The following CEP350 variants were observed in gnomAD, a reference collection of about 807,000 sequenced individuals.
CEP350 encodes the protein centrosome-associated protein 350.
CEP350 carries 126 observed loss-of-function variants against 331.8 expected under a neutral mutation model. That is an observed-to-expected ratio of 0.38 (90% CI 0.33 to 0.44). The LOEUF (loss-of-function observed/expected upper bound fraction) is 0.44, where lower values mean the gene tolerates loss of function less well. Among genes scored for constraint, CEP350 ranks in the 20% least tolerant of loss-of-function variants. The pLI is 1.00. For synonymous variants in CEP350, 1,200 were observed against 1,259.5 expected, an observed-to-expected ratio of 0.95 and a Z score of 1.00; for missense variants, 3,406 against 3,634.6, an observed-to-expected ratio of 0.94 and a Z score of 1.62.
Position 180,093,754 on chromosome 1 carries a change from G to A in CEP350, c.7649G>A (p.Cys2550Tyr), listed in dbSNP as rs1159430617. The A allele has an allele frequency of 6.2e-7, 1 of 1,613,768 alleles. No individual in the cohort carries two copies. The highest frequency in any genetic ancestry group is 1.3e-5 in the African/African-American group (1 of 74,910). Residue 2550 changes from cysteine (C) to tyrosine (Y), a missense_variant, in exon 34 of 38, where the codon TGC becomes TAC. Coordinates refer to ENST00000367607, the MANE Select transcript of CEP350 (RefSeq NM_014810.5). ...GTYDGIAYFE[C>Y]KEKHGIFAPP... is the part of the protein sequence containing the mutation. ...TATGATGGTATTGCATATTTTGAGT[G>A]CAAAGAAAAGCATGGTATTTTTGCT... is the stretch of plus-strand genomic sequence containing the variant.
chr1:180,008,638 T>C (rs1654414691), intron 8 of CEP350, among the ~76,000 whole-genome samples: 1 of 152,188 alleles, frequency 6.6e-6, no homozygotes, highest in Non-Finnish European at 1.5e-5. Context: ...TTTTGAACAT[T>C]TGCTGTATGT....
intron 27 of CEP350, chr1:180,073,969 TTTTG>T: frequency 7.9e-7 from 1 of 1,272,746 alleles, no homozygotes; most frequent in South Asian, 1.3e-5. Flanking sequence ...TTTTTGTTTG[TTTTG>T]TTTGCTTTTC....
intron 24 of CEP350, 53 bp downstream of exon 24, chr1:180,053,987 CT>C (rs1657662078): frequency 1.5e-6 from 2 of 1,337,974 alleles, no homozygotes; most frequent in African/African-American, 1.5e-5. Flanking sequence ...AAATGGAATG[CT>C]TTATATTTTA....
At chr1:180,035,569 G>A (rs1656294322) in intron 16 of CEP350, among the ~76,000 whole-genome samples, 1 of 152,172 alleles carries the variant, frequency 6.6e-6, no homozygotes, top group African/African-American at 2.4e-5. Context: ...TACTCTGCCT[G>A]TGCTGTATTA....
At chr1:180,011,800 C>G (rs1654677359) in intron 8 of CEP350, 129 bp from the exon 9 acceptor site, 3 of 616,098 alleles carry the variant, frequency 4.9e-6, no homozygotes, top group Non-Finnish European at 8.2e-6. Context: ...TTAAAAATAT[C>G]ATTATATTGT....
intron 28 of CEP350, among the ~76,000 whole-genome samples, chr1:180,077,671 TAAA>T (rs3067269): frequency 2.8e-4 from 27 of 97,236 alleles, no homozygotes; most frequent in South Asian, 2.7e-3. Context: ...TCTCAAAAAG[TAAA>T]AAAAAAAAAA....
intron 19 of CEP350, among the ~76,000 whole-genome samples, chr1:180,042,132 T>TCACACACA (rs59048123): frequency 0.021 from 3,014 of 146,824 alleles, 33 homozygotes; most frequent in East Asian, 0.04. Flanking sequence ...GAGTTTTCTC[T>TCACACACA]CACACACACA....
intron 27 of CEP350, among the ~76,000 whole-genome samples, chr1:180,065,605 G>A (rs1433243850): frequency 3.3e-5 from 5 of 151,726 alleles, no homozygotes; most frequent in African/African-American, 1.2e-4. Context: ...AACGTAGTGA[G>A]ACCCCGTCTT....
rs1381946679 is a variant in CEP350 at position 180,053,782 on chromosome 1, T to C, written c.5022T>C (p.Asp1674=). 1 of 1,604,430 alleles carries C rather than the reference T, an allele frequency of 6.2e-7. No homozygotes were observed. The change falls in exon 24 of 38, where the codon GAT becomes GAC. Residue 1674 remains aspartate (D), a synonymous_variant. Transcript: ENST00000367607. ...ELNMPFSGGQ[D]SFSKFTMEMV... is the part of the protein sequence containing the mutation. The stretch of plus-strand genomic sequence containing the variant: ...ACATGCCATTCTCAGGAGGACAAGA[T>C]AGCTTTTCTAAATTTACTATGGAGA...
At position 179,976,058 on chromosome 1, in the gene CEP350, T is replaced by G. The variant is rs566075056; in HGVS notation, c.-13-10111T>G. On this transcript the variant is annotated intron_variant, in intron 1 of 37. Transcript: ENST00000367607. ...ACGAATCCCAAGAGTAGTGAGAGTTTTAAGGTGAAAGTTTAAGATCCCAAA... is the reference window on the plus strand; with the variant it reads ...ACGAATCCCAAGAGTAGTGAGAGTTGTAAGGTGAAAGTTTAAGATCCCAAA... Among the ~76,000 whole-genome samples the G allele has an allele frequency of 2.6e-4, 40 of 152,252 alleles. No homozygotes were observed. The South Asian group carries it at 7.7e-3, about 29-fold the overall frequency.
chr1:180,035,157 C>A (rs932051685), intron 16 of CEP350, among the ~76,000 whole-genome samples: 12 of 152,154 alleles, frequency 7.9e-5, no homozygotes, highest in Non-Finnish European at 1.6e-4. Flanking sequence ...TAGAGCAAGA[C>A]CCTAATACTC....
intron 14 of CEP350, among the ~76,000 whole-genome samples, chr1:180,029,153 GA>G (rs988131454): frequency 6.6e-6 from 1 of 152,056 alleles, no homozygotes; most frequent in Admixed American, 6.6e-5. Flanking sequence ...AATCCTAGGG[GA>G]AAAAAATTTG....
intron 37 of CEP350, among the ~76,000 whole-genome samples, chr1:180,106,409 A>C (rs1661146537): frequency 6.6e-6 from 1 of 152,140 alleles, no homozygotes; most frequent in Non-Finnish European, 1.5e-5. Context: ...CCCTTTTGAA[A>C]TAGCTATCAT....
intron 21 of CEP350, among the ~76,000 whole-genome samples, chr1:180,045,844 TC>T (rs1226796445): frequency 2.0e-5 from 3 of 152,220 alleles, no homozygotes; most frequent in Non-Finnish European, 4.4e-5. Context: ...ATGAAAACTT[TC>T]TTTATAATTG....
intron 4 of CEP350, among the ~76,000 whole-genome samples, chr1:179,991,275 G>T (rs182410802): frequency 1.7e-3 from 240 of 139,466 alleles, no homozygotes; most frequent in African/African-American, 5.7e-3. Context: ...TTTTTCTTGG[G>T]TTACCTTTTG....
intron 1 of CEP350, among the ~76,000 whole-genome samples, chr1:179,983,517 G>C (rs1389670534): frequency 6.6e-6 from 1 of 152,264 alleles, no homozygotes; most frequent in Non-Finnish European, 1.5e-5. Flanking sequence ...TTACAGGCTT[G>C]AGCCACTGTG....
At chr1:180,033,370 A>G (rs908203770) in intron 15 of CEP350, among the ~76,000 whole-genome samples, 5 of 152,192 alleles carry the variant, frequency 3.3e-5, no homozygotes, top group Non-Finnish European at 7.4e-5. Context: ...GAATAGTGTG[A>G]AATTTTTTTC....
At chr1:180,004,259 A>G (rs1403571276) in intron 7 of CEP350, among the ~76,000 whole-genome samples, 1 of 152,214 alleles carries the variant, frequency 6.6e-6, no homozygotes, top group East Asian at 1.9e-4. Flanking sequence ...GAATATGTCA[A>G]AAGACTTTGA....
chr1:180,075,449 G>A (rs1048469806), intron 28 of CEP350, among the ~76,000 whole-genome samples: 12 of 152,198 alleles, frequency 7.9e-5, no homozygotes, highest in African/African-American at 2.9e-4. Context: ...AGCTGGGTGT[G>A]GTGGTACATG....
Sources: gnomAD v4.1 joint callset for allele counts (sites outside exome capture counted in the v4.1 genomes callset) on GRCh38, gnomAD v4.1.1 for gene constraint, MANE v1.5 for transcripts, NCBI Gene and HGNC (gene_info 2026-07-23, HGNC 2026-07-21) for gene names.